GLG1: variants seen among roughly 807,000 people sequenced by gnomAD.
GLG1 encodes Golgi apparatus protein 1.
GLG1 carries 38 observed loss-of-function variants against 160.5 expected under a neutral mutation model. The observed-to-expected ratio is 0.24, with a 90% CI of 0.18 to 0.31. GLG1 has a LOEUF of 0.31. Among genes scored for constraint, GLG1 ranks in the 10% least tolerant of loss-of-function variants. GLG1 has a pLI of 1.00. For missense variants in GLG1, 1,373 were observed against 1,505.2 expected (o/e 0.91, Z 1.45); for synonymous variants, 644 against 543.4 (o/e 1.19, Z -2.57).
chr16:74,567,859 C>T (rs2018704020), intron 1 of GLG1, among the ~76,000 whole-genome samples: 1 of 152,138 alleles, frequency 6.6e-6, no homozygotes, highest in African/African-American at 2.4e-5. Context: ...TGAGCCACCG[C>T]GCCCGGCCAT....
At chr16:74,515,356 C>T (rs1285471786) in intron 2 of GLG1, among the ~76,000 whole-genome samples, 2 of 152,170 alleles carry the variant, frequency 1.3e-5, no homozygotes, top group African/African-American at 4.8e-5. Context: ...CTTCTCAGCA[C>T]CACATTGCAC....
chr16:74,539,348 AAGACCCTCAC>A (rs1244708301), intron 1 of GLG1, among the ~76,000 whole-genome samples: 1 of 152,116 alleles, frequency 6.6e-6, no homozygotes, highest in Non-Finnish European at 1.5e-5. Flanking sequence ...TAGACGGGGA[AAGACCCTCAC>A]AGACAAATTA....
At chr16:74,465,431 T>G (rs2014963800) in intron 19 of GLG1, among the ~76,000 whole-genome samples, 1 of 152,172 alleles carries the variant, frequency 6.6e-6, no homozygotes, top group Admixed American at 6.5e-5. Context: ...TTTCCAAACT[T>G]GAGCCTGCAT....
At chr16:74,583,288 C>A (rs772383792) in intron 1 of GLG1, among the ~76,000 whole-genome samples, 12 of 152,130 alleles carry the variant, frequency 7.9e-5, no homozygotes, top group African/African-American at 1.4e-4. Flanking sequence ...AAGTTTATAT[C>A]CTCTTACTGG....
chr16:74,504,780 A>G (rs2016536942), intron 3 of GLG1, among the ~76,000 whole-genome samples: 1 of 152,228 alleles, frequency 6.6e-6, no homozygotes. Context: ...GTTTAGACAT[A>G]TGATCTAGTG....
chr16:74,491,258 ATGTAT>A, intron 7 of GLG1, 43 bp from the exon 8 acceptor site: 1 of 1,330,030 alleles, frequency 7.5e-7, no homozygotes, highest in South Asian at 1.2e-5. Flanking sequence ...GGGTGATGCT[ATGTAT>A]TAGCATCAGA....
chr16:74,604,408 T>C (rs1190827927), intron 1 of GLG1, among the ~76,000 whole-genome samples: 1 of 152,190 alleles, frequency 6.6e-6, no homozygotes, highest in Non-Finnish European at 1.5e-5. Context: ...TATAAGGTAC[T>C]TGAGCGTCCT....
intron 1 of GLG1, among the ~76,000 whole-genome samples, chr16:74,543,829 G>A (rs949265657): frequency 8.6e-5 from 13 of 151,950 alleles, no homozygotes; most frequent in Non-Finnish European, 2.9e-5. Flanking sequence ...CCTGCTGATG[G>A]TACTCCACCT....
intron 2 of GLG1, among the ~76,000 whole-genome samples, chr16:74,518,033 G>A (rs2017037707): frequency 6.6e-6 from 1 of 152,152 alleles, no homozygotes; most frequent in Non-Finnish European, 1.5e-5. Flanking sequence ...ACAAACCACT[G>A]CTCAAGGAAA....
At chr16:74,499,733 G>A (rs972016168) in intron 4 of GLG1, among the ~76,000 whole-genome samples, 1 of 152,222 alleles carries the variant, frequency 6.6e-6, no homozygotes, top group Non-Finnish European at 1.5e-5. Context: ...GCTGGGCACG[G>A]TGGCTCACGC....
At chr16:74,560,717 T>C (rs947200249) in intron 1 of GLG1, among the ~76,000 whole-genome samples, 1 of 151,350 alleles carries the variant, frequency 6.6e-6, no homozygotes, top group Non-Finnish European at 1.5e-5. Flanking sequence ...CATGGTGGCT[T>C]AGGCCTGTAA....
chr16:74,599,519 G>C (rs2143904534), intron 1 of GLG1, among the ~76,000 whole-genome samples: 1 of 152,280 alleles, frequency 6.6e-6, no homozygotes, highest in East Asian at 1.9e-4. Flanking sequence ...AGGAGTTCAA[G>C]ACCAGCCTGG....
chr16:74,606,376 G>T (rs1439053234), intron 1 of GLG1, among the ~76,000 whole-genome samples: 1 of 152,184 alleles, frequency 6.6e-6, no homozygotes, highest in Non-Finnish European at 1.5e-5. Context: ...AGACAGGAGC[G>T]AACAGACACG....
chr16:74,595,014 T>C (rs112504459), intron 1 of GLG1, among the ~76,000 whole-genome samples: 2,140 of 150,992 alleles, frequency 0.014, 21 homozygotes, highest in Non-Finnish European at 0.022. Flanking sequence ...CAGTGAAACC[T>C]CGTCTCTACT....
intron 2 of GLG1, among the ~76,000 whole-genome samples, chr16:74,515,191 A>G (rs2016940970): frequency 6.6e-6 from 1 of 152,168 alleles, no homozygotes; most frequent in African/African-American, 2.4e-5. Flanking sequence ...TCACACAATA[A>G]TAATGGGAGA....
chr16:74,581,287 C>T (rs926175274), intron 1 of GLG1, among the ~76,000 whole-genome samples: 8 of 151,974 alleles, frequency 5.3e-5, no homozygotes, highest in African/African-American at 1.7e-4. Context: ...GCAGTGTATA[C>T]GTATAATGGA....
At chr16:74,549,392 C>G (rs1163632519) in intron 1 of GLG1, among the ~76,000 whole-genome samples, 2 of 152,076 alleles carry the variant, frequency 1.3e-5, no homozygotes, top group Non-Finnish European at 2.9e-5. Flanking sequence ...CTCCTGGGTT[C>G]ACGCCATTCT....
chr16:74,565,214 A>G (rs2018620634), intron 1 of GLG1, among the ~76,000 whole-genome samples: 1 of 152,104 alleles, frequency 6.6e-6, no homozygotes, highest in Non-Finnish European at 1.5e-5. Flanking sequence ...CTATAATCCC[A>G]GGTACTTGGG....
At chr16:74,594,652 C>T (rs926732703) in intron 1 of GLG1, among the ~76,000 whole-genome samples, 2 of 152,136 alleles carry the variant, frequency 1.3e-5, no homozygotes, top group Admixed American at 6.6e-5. Flanking sequence ...GTATTGTTCT[C>T]AAGTGGAAGG....
Sources: allele counts gnomAD v4.1 joint callset (sites outside exome capture counted in the v4.1 genomes callset), GRCh38; gene constraint gnomAD v4.1.1; transcripts MANE v1.5; gene names NCBI Gene and HGNC (gene_info 2026-07-23, HGNC 2026-07-21).